Variants in NLRP8 observed in about 807,000 individuals in gnomAD.
The protein encoded by NLRP8 is NACHT, LRR and PYD domains-containing protein 8.
In NLRP8, 86 loss-of-function variants were observed where a neutral mutation model predicts 88.7. The ratio of observed to expected loss-of-function variants is 0.97; its 90% CI spans 0.81 to 1.16. The LOEUF is 1.16. Among genes scored for constraint, NLRP8 ranks in the 50% most tolerant of loss-of-function variants. The pLI, the probability that NLRP8 is intolerant of heterozygous loss-of-function variation, is 0.00. For synonymous variants in NLRP8, 504 were observed against 494.6 expected (o/e 1.02, Z -0.25); for missense variants, 1,342 against 1,286.5 (o/e 1.04, Z -0.66).
chr19:55,975,785 GA>G (rs767957903), intron 7 of NLRP8, among the ~76,000 whole-genome samples: 14 of 152,138 alleles, frequency 9.2e-5, no homozygotes, highest in Non-Finnish European at 8.8e-5. Flanking sequence ...GTTGGGGGAG[GA>G]AGTGAGAAGT....
chr19:55,947,855 C>A lies in NLRP8; in HGVS notation c.-48C>A, dbSNP rs752337745. 1.9e-6 allele frequency: 3 copies of A among 1,551,490 alleles called. No individual in the cohort carries two copies. The highest frequency in any genetic ancestry group is 3.7e-5 in the Admixed American group (2 of 53,458). On this transcript the variant is annotated 5_prime_UTR_variant, in exon 1 of 10. Coordinates refer to ENST00000291971, the MANE Select transcript of NLRP8 (RefSeq NM_176811.2). The stretch of plus-strand genomic sequence containing the variant: ...AGGTCTCGTGTTTCTCTCTTCCAAT[C>A]GGTTGTCTTTATCGTGGACACTGAG...
chr19:55,955,020 G>A lies in NLRP8; in HGVS notation c.962G>A (p.Ser321Asn). ...TCTGTCCTACTGAGCAGTTTGCTGA[G>A]CAAAACGATGCTTCCAGAGGCCACG... is the stretch of plus-strand genomic sequence containing the variant. The change falls in exon 3 of 10, where the codon AGC becomes AAC. Residue 321 changes from serine to asparagine, a missense_variant. By Grantham distance (46) the Ser-to-Asn change is conservative. Transcript: ENST00000291971. 1 of 1,614,146 alleles carries A rather than the reference G, an allele frequency of 6.2e-7. No homozygotes were observed. The highest frequency in any genetic ancestry group is 1.1e-5 in the South Asian group (1 of 91,084).
At chr19:55,963,798 AC>A (rs1203263564) in intron 4 of NLRP8, among the ~76,000 whole-genome samples, 1 of 152,006 alleles carries the variant, frequency 6.6e-6, no homozygotes, top group Admixed American at 6.6e-5. Context: ...TAAGTGATCC[AC>A]CTGTCTCAGC....
chr19:55,972,980 A>C lies in NLRP8; in HGVS notation c.2535-672A>C, dbSNP rs186638429. 2.8e-3 allele frequency among the ~76,000 whole-genome samples: 421 copies of C among 152,260 alleles called. 1 individual carries two copies. The highest frequency in any genetic ancestry group is 4.0e-3 in the Non-Finnish European group (272 of 68,022). On this transcript the variant is annotated intron_variant, in intron 6 of 9. Transcript: ENST00000291971. ...CTTCTTTTCCTCTGGGTGAATTCCC[A>C]GTAGTGGGATCGCTGCATCAAATGG... is the stretch of plus-strand genomic sequence containing the variant.
intron 6 of NLRP8, among the ~76,000 whole-genome samples, chr19:55,971,439 CAAAAAAAAA>C (rs34787079): frequency 4.6e-5 from 4 of 87,034 alleles, no homozygotes; most frequent in Non-Finnish European, 6.8e-5. Flanking sequence ...AGACTCGTCT[CAAAAAAAAA>C]AAAAAAAAAA....
At chr19:55,979,696 A>G (rs560560138) in intron 9 of NLRP8, 132 bp downstream of exon 9, 4 of 944,036 alleles carry the variant, frequency 4.2e-6, no homozygotes, top group African/African-American at 1.7e-5. Context: ...AGACAGGCAG[A>G]TCGCTTGAGT....
At position 55,988,048 on chromosome 19, in the gene NLRP8, A is replaced by G; in HGVS notation, c.*135A>G. The G allele has an allele frequency of 1.5e-6, 1 of 670,868 alleles. No homozygotes were observed. The highest frequency in any genetic ancestry group is 2.7e-6 in the Non-Finnish European group (1 of 375,268). The allele number at this position is 670,868 out of a possible 1,614,324, so 41.6% of individuals were successfully genotyped here. On this transcript the variant is annotated 3_prime_UTR_variant, in exon 10 of 10. Transcript: ENST00000291971. ...AGAGCAACCCAGTCAACACCACAGA[A>G]CCTCAGCTTTGAACCCTGGAGTGAG...
chr19:55,948,312 G>C (rs1978944537), intron 1 of NLRP8, 43 bp downstream of exon 1: 1 of 1,571,926 alleles, frequency 6.4e-7, no homozygotes, highest in Non-Finnish European at 8.7e-7. Flanking sequence ...GGGCTTGGCT[G>C]CTGGGCAGCT....
chr19:55,984,671 A>G (rs940482127), intron 9 of NLRP8, among the ~76,000 whole-genome samples: 2 of 148,196 alleles, frequency 1.3e-5, no homozygotes, highest in African/African-American at 5.1e-5. Flanking sequence ...AAAAAAAAAA[A>G]AAACAACAGT....
intron 3 of NLRP8, among the ~76,000 whole-genome samples, chr19:55,961,376 A>G (rs1219522006): frequency 6.6e-6 from 1 of 152,192 alleles, no homozygotes; most frequent in East Asian, 1.9e-4. Context: ...CACTGTGTCA[A>G]AAAGATTAAT....
At chr19:55,981,909 G>GT (rs3055418) in intron 9 of NLRP8, among the ~76,000 whole-genome samples, 3 of 148,852 alleles carry the variant, frequency 2.0e-5, no homozygotes, top group African/African-American at 7.4e-5. Flanking sequence ...CTTGTTTTTT[G>GT]TTTTTTTTTT....
At chr19:55,976,072 T>G in intron 7 of NLRP8, 61 bp from the exon 8 acceptor site, 3 of 1,350,020 alleles carry the variant, frequency 2.2e-6, no homozygotes, top group Non-Finnish European at 1.0e-6. Context: ...TCGTTGTTGT[T>G]GTTGTTGTTG....
intron 1 of NLRP8, among the ~76,000 whole-genome samples, chr19:55,948,691 GC>G (rs568079476): frequency 1.3e-3 from 198 of 152,154 alleles, no homozygotes; most frequent in African/African-American, 4.5e-3. Context: ...GCCTGCCTTG[GC>G]CCCCCAAAGT....
At chr19:55,962,997 A>G (rs139829814) in intron 4 of NLRP8, among the ~76,000 whole-genome samples, 159 of 152,140 alleles carry the variant, frequency 1.0e-3, no homozygotes, top group African/African-American at 3.7e-3. Flanking sequence ...ATTCCTTTGA[A>G]GTATTAATAT....
At chr19:55,970,277 T>A (rs1980015742) in intron 5 of NLRP8, among the ~76,000 whole-genome samples, 1 of 152,170 alleles carries the variant, frequency 6.6e-6, no homozygotes, top group Non-Finnish European at 1.5e-5. Context: ...TTTTTAAAAT[T>A]TGTATTTCAA....
Position 55,982,852 on chromosome 19 carries a change from G to A in NLRP8, c.3047+3288G>A, listed in dbSNP as rs570695124. Among the ~76,000 whole-genome samples, 169 of 152,200 alleles carry A rather than the reference G, an allele frequency of 1.1e-3. 1 individual carries two copies. Among genetic ancestry groups the A allele is most frequent in the African/African-American group, 3.8e-3 (157 of 41,516 alleles). On this transcript the variant is annotated intron_variant, in intron 9 of 9. Transcript: ENST00000291971. ...TCCCAGCTATTTGGGGGGCTGAAGTGGGAAGATCACTTGAGCCCAGAATCT... is the reference window on the plus strand; with the variant it reads ...TCCCAGCTATTTGGGGGGCTGAAGTAGGAAGATCACTTGAGCCCAGAATCT...
intron 4 of NLRP8, 102 bp from the exon 5 acceptor site, chr19:55,966,111 A>T: frequency 1.0e-6 from 1 of 1,000,214 alleles, no homozygotes; most frequent in Non-Finnish European, 1.5e-6. Flanking sequence ...GTGGGACTGC[A>T]CCTGTCCCAC....
Position 55,988,246 on chromosome 19 carries a change from A to C in NLRP8, c.*333A>C. 1 of 165,378 alleles carries C rather than the reference A, an allele frequency of 6.0e-6. No homozygotes were observed. The highest frequency in any genetic ancestry group is 1.3e-5 in the Non-Finnish European group (1 of 77,098). 10.2% of individuals were successfully genotyped at this position (165,378 alleles called of 1,614,324 possible). A position where few individuals can be genotyped will look rare whatever the true frequency, so the allele number is the denominator to read the frequency against. On this transcript the variant is annotated 3_prime_UTR_variant, in exon 10 of 10. Transcript: ENST00000291971. ...GCCTCTACTAAAAAAAAAAATACAAAAAATTAGGCGTGGTGGTGGGCTCCT... is the reference window on the plus strand; with the variant it reads ...GCCTCTACTAAAAAAAAAAATACAACAAATTAGGCGTGGTGGTGGGCTCCT...
chr19:55,949,928 T>C (rs1600294553), intron 1 of NLRP8, among the ~76,000 whole-genome samples: 1 of 152,078 alleles, frequency 6.6e-6, no homozygotes, highest in East Asian at 1.9e-4. Context: ...TAAGGCAGCC[T>C]AGGAAGTCCT....
Sources: allele counts gnomAD v4.1 joint callset (sites outside exome capture counted in the v4.1 genomes callset), GRCh38; gene constraint gnomAD v4.1.1; transcripts MANE v1.5; gene names NCBI Gene and HGNC (gene_info 2026-07-23, HGNC 2026-07-21).